The following ACBD6 variants were observed in gnomAD, a reference collection of about 807,000 sequenced individuals.
ACBD6 encodes the protein acyl-CoA binding domain containing 6.
ACBD6 carries 28 observed loss-of-function variants against 37.2 expected under a neutral mutation model. The ratio of observed to expected loss-of-function variants is 0.75; its 90% CI spans 0.56 to 1.03. The LOEUF (loss-of-function observed/expected upper bound fraction) is 1.03, where lower values mean the gene tolerates loss of function less well. ACBD6 is among the 50% of genes least tolerant of loss of function. The pLI is 0.00. For missense variants in ACBD6, 340 were observed against 337.4 expected, an observed-to-expected ratio of 1.01 and a Z score of -0.06; for synonymous variants, 113 against 126.8, an observed-to-expected ratio of 0.89 and a Z score of 0.73.
chr1:180,354,316 C>CCTGT (rs1652537909), intron 6 of ACBD6, among the ~76,000 whole-genome samples: 1 of 152,318 alleles, frequency 6.6e-6, no homozygotes, highest in Non-Finnish European at 1.5e-5. Flanking sequence ...CCTGAAGCTA[C>CCTGT]AATGTCAGTT....
chr1:180,399,339 G>A (rs983044081), intron 5 of ACBD6, among the ~76,000 whole-genome samples: 5 of 152,176 alleles, frequency 3.3e-5, no homozygotes, highest in Admixed American at 2.6e-4. Flanking sequence ...CGGGATCTCC[G>A]CTTACTGCAA....
At chr1:180,326,185 G>A (rs2149297525) in intron 6 of ACBD6, among the ~76,000 whole-genome samples, 1 of 152,294 alleles carries the variant, frequency 6.6e-6, no homozygotes, top group South Asian at 2.1e-4. Flanking sequence ...AAAAACCTTA[G>A]AAATCTACCT....
chr1:180,402,752 G>A (rs559904800), intron 5 of ACBD6, among the ~76,000 whole-genome samples: 48 of 150,396 alleles, frequency 3.2e-4, no homozygotes, highest in African/African-American at 1.0e-3. Flanking sequence ...AGCCGTGATC[G>A]ACGTCACTGT....
At chr1:180,316,985 G>T (rs1650838829) in intron 6 of ACBD6, among the ~76,000 whole-genome samples, 1 of 152,172 alleles carries the variant, frequency 6.6e-6, no homozygotes, top group African/African-American at 2.4e-5. Flanking sequence ...GAGAACTGGG[G>T]AAGATACTAA....
chr1:180,424,157 C>G (rs1441720844), intron 4 of ACBD6, among the ~76,000 whole-genome samples: 1 of 152,120 alleles, frequency 6.6e-6, no homozygotes, highest in Non-Finnish European at 1.5e-5. Context: ...CAGTAATTAA[C>G]AGCAGCGTTA....
At position 180,502,195 on chromosome 1, in the gene ACBD6, G is replaced by A. The variant is rs1338542088; in HGVS notation, c.72C>T (p.Asp24=). The change falls in exon 1 of 8, where the codon GAC becomes GAT. Residue 24 remains aspartate, a synonymous_variant. Transcript: ENST00000367595. ...TATGGGGGAACTCCACCTCCCCGGA[G>A]TCGTCCCCTGAGCTCAGCTCTCCAC... ...DSGGELSSGD[D]SGEVEFPHSP... is the part of the protein sequence containing the mutation. The A allele has an allele frequency of 1.9e-6, 3 of 1,614,042 alleles. No homozygotes were observed. The highest frequency in any genetic ancestry group is 1.1e-5 in the South Asian group (1 of 91,086).
At chr1:180,280,728 G>A (rs1469570978) in intron 9 of ACBD6, among the ~76,000 whole-genome samples, 2 of 152,214 alleles carry the variant, frequency 1.3e-5, no homozygotes, top group African/African-American at 2.4e-5. Context: ...TCAAATGGGA[G>A]TGAAGATATT....
At chr1:180,336,795 T>C (rs1416508234) in intron 6 of ACBD6, among the ~76,000 whole-genome samples, 1 of 151,788 alleles carries the variant, frequency 6.6e-6, no homozygotes, top group Non-Finnish European at 1.5e-5. Flanking sequence ...AAGAATCAAA[T>C]AGATGCAATA....
chr1:180,337,497 T>C (rs372623865), intron 6 of ACBD6, among the ~76,000 whole-genome samples: 10 of 152,064 alleles, frequency 6.6e-5, no homozygotes, highest in African/African-American at 1.9e-4. Flanking sequence ...ATTGATGGGA[T>C]GTATCTCAAA....
chr1:180,442,712 C>G (rs1325232617), intron 3 of ACBD6, among the ~76,000 whole-genome samples: 1 of 152,142 alleles, frequency 6.6e-6, no homozygotes, highest in Non-Finnish European at 1.5e-5. Flanking sequence ...CTTCGAGCTT[C>G]AAGTTCACTG....
chr1:180,303,277 G>C (rs1650207018), intron 7 of ACBD6, among the ~76,000 whole-genome samples: 1 of 146,662 alleles, frequency 6.8e-6, no homozygotes, highest in African/African-American at 2.4e-5. Context: ...GAAGGAGATA[G>C]AGACACAAAA....
intron 3 of ACBD6, among the ~76,000 whole-genome samples, chr1:180,486,740 T>C (rs1651281568): frequency 6.6e-6 from 1 of 152,206 alleles, no homozygotes; most frequent in African/African-American, 2.4e-5. Flanking sequence ...AGGAATTAAC[T>C]TCCCATTAAT....
intron 3 of ACBD6, among the ~76,000 whole-genome samples, chr1:180,455,245 A>G (rs1649871439): frequency 6.6e-6 from 1 of 152,150 alleles, no homozygotes; most frequent in Admixed American, 6.5e-5. Context: ...GCTGGAAACC[A>G]TCATTCTCAG....
At chr1:180,479,258 C>T (rs971439892) in intron 3 of ACBD6, among the ~76,000 whole-genome samples, 1 of 151,970 alleles carries the variant, frequency 6.6e-6, no homozygotes, top group Non-Finnish European at 1.5e-5. Context: ...ATGTCTATCA[C>T]GGATGAATGA....
intron 3 of ACBD6, among the ~76,000 whole-genome samples, chr1:180,486,999 A>T (rs191689581): frequency 6.6e-6 from 1 of 151,880 alleles, no homozygotes; most frequent in South Asian, 2.1e-4. Flanking sequence ...GTAATCTGCA[A>T]AAGTATCATG....
chr1:180,317,852 C>G (rs759500455), intron 6 of ACBD6, among the ~76,000 whole-genome samples: 2 of 150,702 alleles, frequency 1.3e-5, no homozygotes, highest in African/African-American at 2.5e-5. Context: ...ACCTTCTCTT[C>G]CCAATTTTGT....
chr1:180,274,303 T>A, intron 10 of ACBD6: 1 of 1,614,194 alleles, frequency 6.2e-7, no homozygotes, highest in Non-Finnish European at 8.5e-7. Context: ...GACAATCCTA[T>A]CAGGACTTGA....
At chr1:180,426,019 A>G (rs1201896337) in intron 4 of ACBD6, among the ~76,000 whole-genome samples, 1 of 152,250 alleles carries the variant, frequency 6.6e-6, no homozygotes, top group Non-Finnish European at 1.5e-5. Flanking sequence ...GTCAATGATT[A>G]AAGCATCTCT....
intron 3 of ACBD6, among the ~76,000 whole-genome samples, chr1:180,431,996 A>G (rs1041483755): frequency 3.9e-5 from 6 of 152,080 alleles, no homozygotes; most frequent in African/African-American, 1.5e-4. Flanking sequence ...TCTTGAAGCC[A>G]GGAGTTTGAG....
Sources: gnomAD v4.1 joint callset for allele counts (sites outside exome capture counted in the v4.1 genomes callset) on GRCh38, gnomAD v4.1.1 for gene constraint, MANE v1.5 for transcripts, NCBI Gene and HGNC (gene_info 2026-07-23, HGNC 2026-07-21) for gene names.